The following ALS2 variants were observed in gnomAD, a reference collection of about 807,000 sequenced individuals.
ALS2 encodes alsin Rho guanine nucleotide exchange factor ALS2.
Under a neutral mutation model 203.4 loss-of-function variants are expected in ALS2, and 117 were observed. That is an observed-to-expected ratio of 0.58 (90% CI 0.50 to 0.67). The LOEUF (loss-of-function observed/expected upper bound fraction) is 0.67. Ranked by LOEUF, ALS2 falls within the 30% of genes least tolerant of loss-of-function variation. The probability of loss-of-function intolerance (pLI) is 0.00; values close to 1 mark genes in which losing one functional copy is unlikely to be tolerated. For missense variants in ALS2, 1,715 were observed against 1,989.4 expected (o/e 0.86, Z 2.62); for synonymous variants, 718 against 725.9 (o/e 0.99, Z 0.17).
chr2:201,704,368 C>A, intron 32 of ALS2, 86 bp downstream of exon 32: 1 of 1,543,446 alleles, frequency 6.5e-7, no homozygotes, highest in South Asian at 1.1e-5. Flanking sequence ...AGTGGAAGAG[C>A]GTACTCCTGC....
chr2:201,755,995 T>G (rs980419022), intron 5 of ALS2, among the ~76,000 whole-genome samples: 3 of 152,162 alleles, frequency 2.0e-5, no homozygotes, highest in African/African-American at 7.2e-5. Context: ...GAGACTCAAA[T>G]AAACCTACTT....
chr2:201,704,079 C>G, intron 33 of ALS2, 43 bp downstream of exon 33: 3 of 1,524,298 alleles, frequency 2.0e-6, no homozygotes, highest in South Asian at 1.1e-5. Flanking sequence ...AAATGAAAGA[C>G]AGATATGAAG....
chr2:201,757,411 A>G lies in ALS2; in HGVS notation c.1462T>C (p.Leu488=). Reference sequence around the variant, plus strand: ...CTAGTTATTTCCTTACCTTGTGACAACAATCCAGGGAGGGAGAGTCTTCGA... The same window carrying G: ...CTAGTTATTTCCTTACCTTGTGACAGCAATCCAGGGAGGGAGAGTCTTCGA... ...GSRRLSLPGL[L]SQVSPRLLRK... is the part of the protein sequence containing the mutation. Residue 488 remains leucine (L), a synonymous_variant, in exon 5 of 34, where the codon TTG becomes CTG. Coordinates refer to ENST00000264276, the MANE Select transcript of ALS2 (RefSeq NM_020919.4). The G allele has an allele frequency of 6.2e-7, 1 of 1,613,754 alleles. No homozygotes were observed. Among genetic ancestry groups the G allele is most frequent in the South Asian group, 1.1e-5 (1 of 91,068 alleles).
At chr2:201,772,749 A>C (rs1355295413) in intron 1 of ALS2, among the ~76,000 whole-genome samples, 1 of 151,972 alleles carries the variant, frequency 6.6e-6, no homozygotes, top group Non-Finnish European at 1.5e-5. Context: ...TTTTATACTT[A>C]ACTTGGTTTC....
intron 23 of ALS2, among the ~76,000 whole-genome samples, chr2:201,719,184 T>C (rs1357072308): frequency 6.6e-6 from 1 of 152,220 alleles, no homozygotes; most frequent in Non-Finnish European, 1.5e-5. Context: ...GGAAAGTGTG[T>C]CTCCTCTAAA....
At chr2:201,712,166 CT>C (rs1283757368) in intron 25 of ALS2, among the ~76,000 whole-genome samples, 1 of 152,160 alleles carries the variant, frequency 6.6e-6, no homozygotes, top group African/African-American at 2.4e-5. Context: ...CTATGGTTTA[CT>C]TTAAGTATCA....
At chr2:201,735,566 T>C (rs954934810) in intron 12 of ALS2, among the ~76,000 whole-genome samples, 10 of 152,188 alleles carry the variant, frequency 6.6e-5, no homozygotes, top group African/African-American at 2.4e-4. Flanking sequence ...GAAAATGAAA[T>C]CTTTACGGTA....
chr2:201,769,215 G>A (rs1198500207), intron 1 of ALS2, among the ~76,000 whole-genome samples: 2 of 152,144 alleles, frequency 1.3e-5, no homozygotes, highest in Admixed American at 1.3e-4. Flanking sequence ...CCAGGCAATA[G>A]ATTTTGTTTT....
intron 7 of ALS2, 111 bp downstream of exon 7, chr2:201,753,035 T>C (rs557609325): frequency 2.3e-6 from 2 of 888,178 alleles, no homozygotes; most frequent in South Asian, 2.6e-5. Flanking sequence ...TAAAATGAGA[T>C]ACGGTTATCA....
intron 29 of ALS2, among the ~76,000 whole-genome samples, chr2:201,706,535 T>TTATATATATATATATA (rs34345642): frequency 4.3e-4 from 62 of 143,842 alleles, no homozygotes; most frequent in African/African-American, 1.1e-3. Flanking sequence ...AGCTCACACT[T>TTATATATATATATATA]TATATATATA....
At chr2:201,751,151 C>A (rs1693023825) in intron 7 of ALS2, among the ~76,000 whole-genome samples, 1 of 152,114 alleles carries the variant, frequency 6.6e-6, no homozygotes. Flanking sequence ...CCACACTCAG[C>A]CTCCAATTCT....
intron 9 of ALS2, among the ~76,000 whole-genome samples, chr2:201,745,425 TA>T (rs1199919531): frequency 2.0e-4 from 29 of 144,490 alleles, no homozygotes; most frequent in South Asian, 2.2e-4. Flanking sequence ...ACACAAAGAC[TA>T]AAAAAAAAAG....
chr2:201,761,284 T>C lies in ALS2; in HGVS notation c.710A>G (p.Gln237Arg). 1 of 1,614,190 alleles carries C rather than the reference T, an allele frequency of 6.2e-7. No homozygotes were observed. Among genetic ancestry groups the C allele is most frequent in the Non-Finnish European group, 8.5e-7 (1 of 1,180,042 alleles). Residue 237 changes from glutamine (Q) to arginine (R), a missense_variant, in exon 4 of 34, where the codon CAG becomes CGG. Physicochemically the swap from Gln to Arg is conservative, Grantham distance 43 (BLOSUM62 1). Coordinates refer to ENST00000264276, the MANE Select transcript of ALS2 (RefSeq NM_020919.4). ...TTTGTCAGTCATAGTAATCAAGAGC[T>C]GGCTGCACTGGTTGCATCGTTCTGG... is the stretch of plus-strand genomic sequence containing the variant. ...PVPERCNQCS[Q>R]LLITMTDKED...
At position 201,780,933 on chromosome 2, in the gene ALS2, T is replaced by A. The variant is rs1574821157; in HGVS notation, c.-117A>T. 1 of 152,502 alleles carries A rather than the reference T, an allele frequency of 6.6e-6. No individual in the cohort carries two copies. The highest frequency in any genetic ancestry group is 1.9e-4 in the East Asian group (1 of 5,186). The allele number at this position is 152,502 out of a possible 1,614,324, so 9.4% of individuals were successfully genotyped here. ...ATCCGGCGCGAGCTTGGCAACCCAG[T>A]GGGTCCGCGGGATCAGCTGATTCAT... On this transcript the variant is annotated 5_prime_UTR_variant, in exon 1 of 34. Transcript: ENST00000264276.
intron 6 of ALS2, 114 bp from the exon 7 acceptor site, chr2:201,753,356 T>A: frequency 1.2e-6 from 1 of 846,852 alleles, no homozygotes. Context: ...AAGAAAACAT[T>A]AAAATAAACA....
At chr2:201,708,562 G>T (rs7593147) in intron 27 of ALS2, among the ~76,000 whole-genome samples, 1 of 152,160 alleles carries the variant, frequency 6.6e-6, no homozygotes, top group African/African-American at 2.4e-5. Context: ...CACACTCCCC[G>T]CTTTTAGAGT....
intron 27 of ALS2, 132 bp from the exon 28 acceptor site, chr2:201,708,123 G>C (rs989709874): frequency 1.3e-6 from 1 of 767,696 alleles, no homozygotes; most frequent in Non-Finnish European, 2.1e-6. Flanking sequence ...TGAGAAAACT[G>C]ATGTTTCTAA....
At chr2:201,757,924 G>A (rs1693500420) in intron 4 of ALS2, among the ~76,000 whole-genome samples, 165 bp from the exon 5 acceptor site, 1 of 152,198 alleles carries the variant, frequency 6.6e-6, no homozygotes, top group Non-Finnish European at 1.5e-5. Context: ...TGATCATGGA[G>A]TTAACACATT....
chr2:201,735,962 T>C (rs1177498938), intron 12 of ALS2, among the ~76,000 whole-genome samples: 1 of 152,256 alleles, frequency 6.6e-6, no homozygotes, highest in Admixed American at 6.5e-5. Context: ...CATTTAATTA[T>C]TGGTTTGGCT....
Sources: allele counts gnomAD v4.1 joint callset (sites outside exome capture counted in the v4.1 genomes callset), GRCh38; gene constraint gnomAD v4.1.1; transcripts MANE v1.5; gene names NCBI Gene and HGNC (gene_info 2026-07-23, HGNC 2026-07-21).